The following SHANK2 variants were observed in gnomAD, a reference collection of about 807,000 sequenced individuals.
The protein encoded by SHANK2 is SH3 and multiple ankyrin repeat domains 2, also known as SH3 and multiple ankyrin repeat domains protein 2.
Under a neutral mutation model 133.7 loss-of-function variants are expected in SHANK2, and 43 were observed. The observed-to-expected ratio is 0.32, with a 90% CI of 0.25 to 0.41. The LOEUF is 0.41. Ranked by LOEUF, SHANK2 falls within the 10% of genes least tolerant of loss-of-function variation. The probability of loss-of-function intolerance (pLI) is 1.00; values close to 1 mark genes in which losing one functional copy is unlikely to be tolerated. For synonymous variants in SHANK2, 1,017 were observed against 952.8 expected, an observed-to-expected ratio of 1.07 and a Z score of -1.24; for missense variants, 1,994 against 2,235.8, an observed-to-expected ratio of 0.89 and a Z score of 2.18.
At chr11:70,512,460 TA>T (rs2059216558) in intron 17 of SHANK2, among the ~76,000 whole-genome samples, 1 of 152,258 alleles carries the variant, frequency 6.6e-6, no homozygotes. Context: ...GCTTAAACTC[TA>T]TAGTATACTA....
intron 14 of SHANK2, 74 bp downstream of exon 14, chr11:70,798,369 A>G (rs1555049640): frequency 1.4e-6 from 1 of 705,554 alleles, no homozygotes; most frequent in African/African-American, 1.7e-5. Flanking sequence ...GAATCTTGCC[A>G]CGGACAACAC....
chr11:70,628,043 G>A (rs2060927823), intron 17 of SHANK2, among the ~76,000 whole-genome samples: 1 of 152,044 alleles, frequency 6.6e-6, no homozygotes, highest in South Asian at 2.1e-4. Context: ...CACTGAAATA[G>A]CGGCCTTCCA....
intron 17 of SHANK2, among the ~76,000 whole-genome samples, chr11:70,506,909 A>G (rs1591517654): frequency 6.6e-6 from 1 of 152,096 alleles, no homozygotes; most frequent in African/African-American, 2.4e-5. Context: ...AGGGCCTCAA[A>G]CCATCCACAC....
chr11:70,637,259 T>G (rs2061115139), intron 17 of SHANK2, among the ~76,000 whole-genome samples: 1 of 152,130 alleles, frequency 6.6e-6, no homozygotes, highest in Admixed American at 6.5e-5. Flanking sequence ...TCCCCAGCAC[T>G]CAGGCTCTGT....
At chr11:70,712,024 A>T (rs1555026249) in intron 14 of SHANK2, among the ~76,000 whole-genome samples, 1 of 152,086 alleles carries the variant, frequency 6.6e-6, no homozygotes, top group Non-Finnish European at 1.5e-5. Flanking sequence ...GCAGGCTGGA[A>T]GTCTGACCAG....
chr11:71,216,570 G>A (rs1954419139), intron 2 of SHANK2, among the ~76,000 whole-genome samples: 1 of 152,220 alleles, frequency 6.6e-6, no homozygotes, highest in South Asian at 2.1e-4. Flanking sequence ...TGATTTGGGT[G>A]ATGACTGCGC....
chr11:70,508,061 C>G (rs373680040), intron 17 of SHANK2, among the ~76,000 whole-genome samples: 2 of 152,222 alleles, frequency 1.3e-5, no homozygotes, highest in African/African-American at 2.4e-5. Context: ...CAGTGTGCCA[C>G]AGGAACCTCT....
At chr11:71,151,865 C>A (rs1156618021) in intron 2 of SHANK2, among the ~76,000 whole-genome samples, 1 of 152,098 alleles carries the variant, frequency 6.6e-6, no homozygotes, top group African/African-American at 2.4e-5. Context: ...CAGTGGGCAC[C>A]CAGTGAACAC....
intron 14 of SHANK2, among the ~76,000 whole-genome samples, chr11:70,716,825 G>T (rs991784127): frequency 6.6e-6 from 1 of 151,920 alleles, no homozygotes; most frequent in South Asian, 2.1e-4. Context: ...CTCTTCAACC[G>T]CAAAGCAACA....
At chr11:70,911,244 G>A in intron 10 of SHANK2, 1 of 453,742 alleles carries the variant, frequency 2.2e-6, no homozygotes, top group Non-Finnish European at 4.4e-6. Flanking sequence ...TTTTGTTTTT[G>A]AGATGGAGTC....
Position 70,755,764 on chromosome 11 carries a change from C to T in SHANK2, c.1777+42679G>A, listed in dbSNP as rs547278131. On this transcript the variant is annotated intron_variant, in intron 14 of 25. Transcript: ENST00000601538. ...CTCCTACCAGGCGAGCGACAGGCCA[C>T]AAGAGGGAAGACACCGCGCCAGCAG... is the stretch of plus-strand genomic sequence containing the variant. 1.7e-3 allele frequency among the ~76,000 whole-genome samples: 263 copies of T among 152,314 alleles called. 1 individual carries two copies. The highest frequency in any genetic ancestry group is 3.0e-3 in the Non-Finnish European group (204 of 68,032).
chr11:70,925,909 A>T (rs1950420990), intron 10 of SHANK2, among the ~76,000 whole-genome samples: 2 of 152,180 alleles, frequency 1.3e-5, no homozygotes, highest in Admixed American at 1.3e-4. Flanking sequence ...TCATCAACCC[A>T]TCAATACATA....
chr11:71,097,637 T>C (rs1951641496), intron 6 of SHANK2, among the ~76,000 whole-genome samples: 1 of 151,958 alleles, frequency 6.6e-6, no homozygotes, highest in Non-Finnish European at 1.5e-5. Context: ...GCTCCAGGGA[T>C]AAGCAGGATG....
intron 14 of SHANK2, among the ~76,000 whole-genome samples, chr11:70,728,368 G>T (rs1591792163): frequency 6.6e-6 from 1 of 152,222 alleles, no homozygotes; most frequent in African/African-American, 2.4e-5. Flanking sequence ...CGTGACTTGG[G>T]AGTGGTCACA....
intron 14 of SHANK2, among the ~76,000 whole-genome samples, chr11:70,753,827 T>TGTGTGTGTGTGTGTG (rs1555038016): frequency 2.0e-5 from 3 of 151,680 alleles, no homozygotes; most frequent in African/African-American, 4.9e-5. Flanking sequence ...TGTGTGTGTG[T>TGTGTGTGTGTGTGTG]TTGAGACAGA....
rs1015282310 is a variant in SHANK2, at chr11:71,107,223, A to G, written c.592+2718T>C. On this transcript the variant is annotated intron_variant, in intron 6 of 25. Coordinates refer to ENST00000601538, the MANE Select transcript of SHANK2 (RefSeq NM_012309.5). ...TGGTCACCATCTCCCTGGGTGACGCAGGGAAGTGTCCCGTAAGGAAGCACG... is the reference window on the plus strand; with the variant it reads ...TGGTCACCATCTCCCTGGGTGACGCGGGGAAGTGTCCCGTAAGGAAGCACG... Among the ~76,000 whole-genome samples, 4 of 152,216 alleles carry G rather than the reference A, an allele frequency of 2.6e-5. No homozygotes were observed. In the East Asian group the frequency reaches 7.7e-4, roughly 29 times the overall value.
chr11:70,723,427 C>T (rs1404333412), intron 14 of SHANK2, among the ~76,000 whole-genome samples: 1 of 152,064 alleles, frequency 6.6e-6, no homozygotes, highest in African/African-American at 2.4e-5. Context: ...AGCCCCCAGC[C>T]AGCAATGAAG....
intron 9 of SHANK2, among the ~76,000 whole-genome samples, chr11:71,058,118 C>A (rs1950944112): frequency 1.3e-5 from 2 of 152,036 alleles, no homozygotes; most frequent in Non-Finnish European, 1.5e-5. Flanking sequence ...TGGTCTCAAA[C>A]TCCTGGGCTC....
chr11:70,858,376 G>T (rs1387437821), intron 11 of SHANK2, among the ~76,000 whole-genome samples: 1 of 152,220 alleles, frequency 6.6e-6, no homozygotes, highest in Non-Finnish European at 1.5e-5. Context: ...GAAGCTGCAG[G>T]CATGGCAGTG....
Sources: allele counts gnomAD v4.1 joint callset (sites outside exome capture counted in the v4.1 genomes callset), GRCh38; gene constraint gnomAD v4.1.1; transcripts MANE v1.5; gene names NCBI Gene and HGNC (gene_info 2026-07-23, HGNC 2026-07-21).